Variants in NCOA1 observed in about 807,000 individuals in gnomAD.
NCOA1 encodes nuclear receptor coactivator 1, also known as Hin-2 protein.
A neutral mutation model predicts 150.9 loss-of-function variants in NCOA1; 35 were observed. That is an observed-to-expected ratio of 0.23 (90% CI 0.18 to 0.31). The LOEUF (loss-of-function observed/expected upper bound fraction) is 0.31. Among genes scored for constraint, NCOA1 ranks in the 10% least tolerant of loss-of-function variants. The pLI, the probability that NCOA1 is intolerant of heterozygous loss-of-function variation, is 1.00. For missense variants in NCOA1, 1,491 were observed against 1,749.3 expected, an observed-to-expected ratio of 0.85 and a Z score of 2.63; for synonymous variants, 590 against 630.0, an observed-to-expected ratio of 0.94 and a Z score of 0.95.
chr2:24,666,735 C>A (rs1355776435), intron 6 of NCOA1, among the ~76,000 whole-genome samples: 1 of 151,664 alleles, frequency 6.6e-6, no homozygotes, highest in Non-Finnish European at 1.5e-5. Flanking sequence ...TGGGTTCAAG[C>A]AATTCTCCTG....
At chr2:24,500,002 A>G (rs945955472) in intron 1 of NCOA1, among the ~76,000 whole-genome samples, 2 of 152,242 alleles carry the variant, frequency 1.3e-5, no homozygotes, top group African/African-American at 4.8e-5. Flanking sequence ...TACAACAGAA[A>G]TTGGCTGGAA....
chr2:24,652,016 A>C (rs1182060763), intron 4 of NCOA1, among the ~76,000 whole-genome samples: 1 of 152,142 alleles, frequency 6.6e-6, no homozygotes, highest in Non-Finnish European at 1.5e-5. Flanking sequence ...ATAACCTAAC[A>C]GTTCCACTCC....
At chr2:24,524,022 A>C (rs181755774) in intron 1 of NCOA1, among the ~76,000 whole-genome samples, 1 of 151,400 alleles carries the variant, frequency 6.6e-6, no homozygotes, top group East Asian at 1.9e-4. Context: ...GAAGAAATCC[A>C]CTTATGGGAG....
intron 3 of NCOA1, among the ~76,000 whole-genome samples, chr2:24,630,088 G>A (rs983825473): frequency 6.6e-6 from 1 of 151,812 alleles, no homozygotes; most frequent in Non-Finnish European, 1.5e-5. Context: ...CTCGTGATCC[G>A]CCCGTCTCGG....
At chr2:24,527,591 A>G (rs1664704529) in intron 1 of NCOA1, among the ~76,000 whole-genome samples, 1 of 152,178 alleles carries the variant, frequency 6.6e-6, no homozygotes, top group Non-Finnish European at 1.5e-5. Context: ...TTGTTTCTGT[A>G]TCTTACCTAT....
At chr2:24,642,590 TA>T (rs1670281757) in intron 3 of NCOA1, among the ~76,000 whole-genome samples, 3 of 152,148 alleles carry the variant, frequency 2.0e-5, no homozygotes. Context: ...TACTGGCTGG[TA>T]AACATACACT....
chr2:24,636,859 T>C (rs1357824388), intron 3 of NCOA1, among the ~76,000 whole-genome samples: 1 of 152,034 alleles, frequency 6.6e-6, no homozygotes, highest in African/African-American at 2.4e-5. Flanking sequence ...TCTGCATCCA[T>C]TGAGTTTTTT....
intron 3 of NCOA1, among the ~76,000 whole-genome samples, chr2:24,640,369 T>G (rs1482738085): frequency 6.6e-6 from 1 of 152,216 alleles, no homozygotes; most frequent in Non-Finnish European, 1.5e-5. Flanking sequence ...TTCTGTTTCC[T>G]TACTGGTTTT....
chr2:24,537,880 A>G (rs1247922450), intron 1 of NCOA1, among the ~76,000 whole-genome samples: 1 of 152,136 alleles, frequency 6.6e-6, no homozygotes, highest in East Asian at 1.9e-4. Flanking sequence ...AAGAAAACTA[A>G]CATAGTGGAA....
At position 24,730,871 on chromosome 2, in the gene NCOA1, CAAA is replaced by C. The variant is rs35975198; in HGVS notation, c.3201+1076_3201+1078del. ...TGAAACCCCATTTCTACTAAAAGTA[CAAA>C]AAAAAAAAAAAAAAAAAAACGGGCA... On this transcript the variant is annotated intron_variant, in intron 17 of 22. Coordinates refer to ENST00000348332, the MANE Select transcript of NCOA1 (RefSeq NM_003743.5). 4.1e-3 allele frequency among the ~76,000 whole-genome samples: 255 copies of C among 61,886 alleles called. 1 individual carries two copies. The highest frequency in any genetic ancestry group is 0.015 in the African/African-American group (217 of 14,020). The allele number at this position is 61,886 out of a possible 152,430, so 40.6% of individuals were successfully genotyped here. A position where few individuals can be genotyped will look rare whatever the true frequency, so the allele number is the denominator to read the frequency against.
At chr2:24,669,373 A>G (rs1005625577) in intron 6 of NCOA1, among the ~76,000 whole-genome samples, 4 of 152,170 alleles carry the variant, frequency 2.6e-5, no homozygotes, top group African/African-American at 9.7e-5. Flanking sequence ...AGAAGGAGAA[A>G]GAAAAAAACA....
chr2:24,650,781 A>T (rs1481301436), intron 4 of NCOA1, among the ~76,000 whole-genome samples: 1 of 152,170 alleles, frequency 6.6e-6, no homozygotes, highest in Non-Finnish European at 1.5e-5. Flanking sequence ...TCTACCAGCT[A>T]TTAGGATAGC....
At position 24,686,106 on chromosome 2, in the gene NCOA1, A is replaced by G. The variant is rs929689277; in HGVS notation, c.532+2978A>G. Among the ~76,000 whole-genome samples, 6 of 152,142 alleles carry G rather than the reference A, an allele frequency of 3.9e-5. No individual in the cohort carries two copies. The East Asian group carries it at 9.7e-4, about 24-fold the overall frequency. ...AACCTCCGCCTCCTGGGTTCAAGCA[A>G]TTTTCCTGCCTCAGCCTCCTGAGTA... On this transcript the variant is annotated intron_variant, in intron 8 of 22. Transcript: ENST00000348332.
intron 1 of NCOA1, among the ~76,000 whole-genome samples, chr2:24,504,050 T>C (rs946596542): frequency 3.3e-5 from 5 of 152,226 alleles, no homozygotes; most frequent in African/African-American, 1.2e-4. Flanking sequence ...TCTCTGTTTT[T>C]ACATGTATCC....
At chr2:24,542,245 T>A (rs1211562340) in intron 1 of NCOA1, among the ~76,000 whole-genome samples, 1 of 117,404 alleles carries the variant, frequency 8.5e-6, no homozygotes, top group Non-Finnish European at 1.9e-5. Context: ...AATTGAAGAC[T>A]TTAACTTTTA....
rs1558344441 is a variant in NCOA1 at position 24,758,033 on chromosome 2, C to A, written c.3942C>A (p.Asn1314Lys). Reference sequence around the variant, plus strand: ...CTGCACAGCCAGGAGTATACAACAACATGAGCATCACCGTTTCCATGGCAG... The same window carrying A: ...CTGCACAGCCAGGAGTATACAACAAAATGAGCATCACCGTTTCCATGGCAG... Reference protein sequence around the residue: ...PTPAQPGVYNNMSITVSMAGG... With the variant: ...PTPAQPGVYNKMSITVSMAGG... Residue 1314 changes from asparagine to lysine, a missense_variant, in exon 21 of 23, where the codon AAC becomes AAA. Physicochemically the swap from Asn to Lys is moderately conservative, Grantham distance 94. This residue lies in a region of NCOA1 where 485 missense variants were observed against 522.8 expected (regional missense o/e 0.93). Coordinates refer to ENST00000348332, the MANE Select transcript of NCOA1 (RefSeq NM_003743.5). 2.5e-6 allele frequency: 4 copies of A among 1,614,162 alleles called. No homozygotes were observed. The highest frequency in any genetic ancestry group is 3.4e-6 in the Non-Finnish European group (4 of 1,180,032).
intron 3 of NCOA1, among the ~76,000 whole-genome samples, chr2:24,632,376 G>A (rs2148435256): frequency 6.6e-6 from 1 of 152,264 alleles, no homozygotes; most frequent in East Asian, 1.9e-4. Flanking sequence ...TGGTTTCAAA[G>A]CTATTTAAAA....
At chr2:24,657,684 G>A (rs1237982709) in intron 4 of NCOA1, among the ~76,000 whole-genome samples, 1 of 152,200 alleles carries the variant, frequency 6.6e-6, no homozygotes, top group Non-Finnish European at 1.5e-5. Context: ...CCATGTGAGA[G>A]ATTCTCAGCA....
intron 2 of NCOA1, among the ~76,000 whole-genome samples, chr2:24,584,004 A>G (rs964025070): frequency 1.3e-5 from 2 of 152,170 alleles, no homozygotes; most frequent in Non-Finnish European, 2.9e-5. Flanking sequence ...ATCATTAACA[A>G]GAATTTAGTT....
Sources: gnomAD v4.1 joint callset for allele counts (sites outside exome capture counted in the v4.1 genomes callset) on GRCh38, gnomAD v4.1.1 for gene constraint, gnomAD v4.1.1 regional missense constraint, MANE v1.5 for transcripts, NCBI Gene and HGNC (gene_info 2026-07-23, HGNC 2026-07-21) for gene names.